MARK4: variants seen among roughly 807,000 people sequenced by gnomAD.
MARK4 encodes microtubule affinity regulating kinase 4.
MARK4 carries 19 observed loss-of-function variants against 81.5 expected under a neutral mutation model. The ratio of observed to expected loss-of-function variants is 0.23; its 90% confidence interval spans 0.16 to 0.34. The LOEUF (loss-of-function observed/expected upper bound fraction) is 0.34. MARK4 is among the 10% of genes least tolerant of loss of function. MARK4 has a pLI of 1.00. For synonymous variants in MARK4, 436 were observed against 439.0 expected (o/e 0.99, Z 0.08); for missense variants, 772 against 1,058.8 (o/e 0.73, Z 3.76).
At chr19:45,258,267 G>A (rs1482985728) in intron 1 of MARK4, among the ~76,000 whole-genome samples, 1 of 152,166 alleles carries the variant, frequency 6.6e-6, no homozygotes, top group African/African-American at 2.4e-5. Flanking sequence ...TTACAGGCCT[G>A]AGCCACTGCA....
Position 45,271,828 on chromosome 19 carries a change from G to A in MARK4, c.786+120G>A, listed in dbSNP as rs1599786478. On this transcript the variant is annotated intron_variant, in intron 8 of 16. Coordinates refer to ENST00000262891, the MANE Select transcript of MARK4 (RefSeq NM_001199867.2). The surrounding 1 kb of genome is among the most constrained non-coding windows in gnomAD (Gnocchi z 4.1). ...GGACTGGCCTGAGTTCTCATGGGAAGATGGGGGATGGGCAGGATTCAAGTC... is the reference window on the plus strand; with the variant it reads ...GGACTGGCCTGAGTTCTCATGGGAAAATGGGGGATGGGCAGGATTCAAGTC... 3.2e-6 allele frequency: 3 copies of A among 939,168 alleles called. No homozygotes were observed. The East Asian group carries it at 7.3e-5, about 23-fold the overall frequency. 58.2% of individuals were successfully genotyped at this position (939,168 alleles called of 1,614,324 possible).
intron 16 of MARK4, among the ~76,000 whole-genome samples, chr19:45,300,387 A>C (rs1970953602): frequency 7.8e-6 from 1 of 128,020 alleles, no homozygotes; most frequent in Admixed American, 9.4e-5. Context: ...TCCCATCCAC[A>C]ACTCAACTCC....
At chr19:45,269,842 G>A (rs752023769) in intron 7 of MARK4, among the ~76,000 whole-genome samples, 10 of 152,170 alleles carry the variant, frequency 6.6e-5, no homozygotes, top group Admixed American at 1.3e-4. Context: ...AATACAAAAC[G>A]TTTATTTATT....
intron 2 of MARK4, among the ~76,000 whole-genome samples, chr19:45,259,490 A>G (rs375846731): frequency 5.7e-4 from 87 of 152,312 alleles, no homozygotes; most frequent in African/African-American, 2.1e-3. Context: ...GGCCGGATGC[A>G]TTGGCTCACA....
chr19:45,281,859 G>T lies in MARK4; in HGVS notation c.1276+1125G>T, dbSNP rs576690338. On this transcript the variant is annotated intron_variant, in intron 12 of 16. Transcript: ENST00000262891. The stretch of plus-strand genomic sequence containing the variant: ...TAAAGGAGGCTCTGGAAGAGAGCTG[G>T]GCGGACAGCTGATTATACCCCACAT... Among the ~76,000 whole-genome samples, 21 of 152,274 alleles carry T rather than the reference G, an allele frequency of 1.4e-4. No individual in the cohort carries two copies. In the South Asian group the frequency reaches 4.1e-3, roughly 30 times the overall value.
At position 45,280,724 on chromosome 19, in the gene MARK4, T is replaced by C; in HGVS notation, c.1266T>C (p.His422=). 1 of 1,614,114 alleles carries C rather than the reference T, an allele frequency of 6.2e-7. No individual in the cohort carries two copies. The highest frequency in any genetic ancestry group is 1.7e-5 in the Admixed American group (1 of 60,006). The stretch of plus-strand genomic sequence containing the variant: ...CCACCTACCACCGCCAGCGCAGGCA[T>C]AGCGATTTCTGTGAGTATCAACCCC... ...SSSTYHRQRR[H]SDFCGPSPAP... is the part of the protein sequence containing the mutation. Residue 422 remains histidine, a synonymous_variant, in exon 12 of 17, where the codon CAT becomes CAC. Transcript: ENST00000262891.
intron 14 of MARK4, among the ~76,000 whole-genome samples, chr19:45,297,214 C>T (rs1599804685): frequency 6.6e-6 from 1 of 152,214 alleles, no homozygotes; most frequent in Non-Finnish European, 1.5e-5. Flanking sequence ...GACAGTGGAA[C>T]CCCCACTGCC....
Position 45,299,798 on chromosome 19 carries a change from T to C in MARK4, c.1878-13T>C. ...GTCCAGATTAGACACTCTGTCCCCC[T>C]CCCCTCCCCTAGGGTCGCAGACGAA... On this transcript the variant is annotated splice_polypyrimidine_tract_variant and intron_variant, in intron 15 of 16. Coordinates refer to ENST00000262891, the MANE Select transcript of MARK4 (RefSeq NM_001199867.2). 6.3e-7 allele frequency: 1 copy of C among 1,589,512 alleles called. No homozygotes were observed. Among genetic ancestry groups the C allele is most frequent in the Non-Finnish European group, 8.6e-7 (1 of 1,163,744 alleles).
intron 7 of MARK4, among the ~76,000 whole-genome samples, chr19:45,269,478 C>A (rs928135006): frequency 1.3e-5 from 2 of 152,050 alleles, no homozygotes; most frequent in African/African-American, 2.4e-5. Context: ...AGGGTTTGGG[C>A]CTTTATTGGG....
chr19:45,264,273 G>A lies in MARK4; in HGVS notation c.356-411G>A, dbSNP rs556149285. On this transcript the variant is annotated intron_variant, in intron 4 of 16. Coordinates refer to ENST00000262891, the MANE Select transcript of MARK4 (RefSeq NM_001199867.2). ...TCCCAGCACTTTGGGAGGCCGAGGC[G>A]GGTGGATGACCTGAGGTTGGGAGTT... Among the ~76,000 whole-genome samples the A allele has an allele frequency of 1.5e-3, 230 of 152,058 alleles. 2 individuals carry two copies. Among genetic ancestry groups the A allele is most frequent in the African/African-American group, 5.1e-3 (213 of 41,470 alleles).
rs1215060811 is a variant in MARK4 at position 45,297,915 on chromosome 19, C to T, written c.1838C>T (p.Thr613Ile). ...CCCGCCGGGCGGCCCCGCCCCACCA[C>T]CAACCTCTTCACCAAGCTGACCTCC... ...PLPAGRPRPT[T>I]NLFTKLTSKL... is the part of the protein sequence containing the mutation. The change falls in exon 15 of 17, where the codon ACC becomes ATC. Residue 613 changes from threonine (T) to isoleucine (I), a missense_variant. Thr to Ile is a moderately conservative substitution (Grantham distance 89). Transcript: ENST00000262891. 1 of 1,550,452 alleles carries T rather than the reference C, an allele frequency of 6.4e-7. No homozygotes were observed. Among genetic ancestry groups the T allele is most frequent in the Non-Finnish European group, 8.7e-7 (1 of 1,146,772 alleles).
At chr19:45,260,554 G>A (rs1970367738) in intron 2 of MARK4, among the ~76,000 whole-genome samples, 1 of 151,274 alleles carries the variant, frequency 6.6e-6, no homozygotes, top group East Asian at 1.9e-4. Flanking sequence ...AAAATTAGCT[G>A]GGTGTGGTGG....
intron 12 of MARK4, among the ~76,000 whole-genome samples, chr19:45,284,325 CTT>C (rs766141024): frequency 3.4e-4 from 47 of 140,290 alleles, no homozygotes; most frequent in Admixed American, 4.3e-4. Flanking sequence ...GATTTCTTTT[CTT>C]TTTTTTTTTT....
At chr19:45,253,909 C>T (rs576907065) in intron 1 of MARK4, among the ~76,000 whole-genome samples, 84 of 152,272 alleles carry the variant, frequency 5.5e-4, no homozygotes, top group Non-Finnish European at 1.0e-3. Flanking sequence ...TTAAGTGGAA[C>T]GCCTAATGAA....
rs567765732 is a variant in MARK4, at chr19:45,294,254, T to C, written c.1495-95T>C. The C allele has an allele frequency of 2.9e-5, 34 of 1,175,390 alleles. No homozygotes were observed. The Admixed American group carries it at 4.2e-4, about 15-fold the overall frequency. 72.8% of individuals were successfully genotyped at this position (1,175,390 alleles called of 1,614,324 possible). A position where few individuals can be genotyped will look rare whatever the true frequency, so the allele number is the denominator to read the frequency against. ...CTGGGTTCCCACATGAGCCCCTGAC[T>C]TATTCATCGATGGGGAGGGCAGAGA... On this transcript the variant is annotated intron_variant, in intron 13 of 16. Coordinates refer to ENST00000262891, the MANE Select transcript of MARK4 (RefSeq NM_001199867.2).
intron 12 of MARK4, among the ~76,000 whole-genome samples, chr19:45,280,968 T>A (rs1970666527): frequency 1.3e-5 from 2 of 151,824 alleles, no homozygotes. Context: ...GAGCAGACAC[T>A]CTCTGTCTTG....
At chr19:45,294,962 T>C (rs940775820) in intron 14 of MARK4, among the ~76,000 whole-genome samples, 1 of 151,994 alleles carries the variant, frequency 6.6e-6, no homozygotes, top group East Asian at 1.9e-4. Flanking sequence ...GTAGGGCAGG[T>C]TGATGGCCAA....
rs562298714 is a variant in MARK4 at position 45,302,433 on chromosome 19, G to A, written c.1982G>A (p.Ser661Asn). The change falls in exon 17 of 17, where the codon AGT (serine) becomes AAT (asparagine). Residue 661 changes from serine (S) to asparagine (N), a missense_variant. This residue lies in a region of MARK4 where 548 missense variants were observed against 624.3 expected (regional missense o/e 0.88). Coordinates refer to ENST00000262891, the MANE Select transcript of MARK4 (RefSeq NM_001199867.2). The surrounding 1 kb of genome is among the most constrained non-coding windows in gnomAD (Gnocchi z 4.9). ...CCCCGGCTGCTCCGATTCCCCTGGA[G>A]TGTGAAGCTGACCAGCTCGCGCCCT... The part of the protein sequence containing the change: ...TAPRLLRFPW[S>N]VKLTSSRPPE... The A allele has an allele frequency of 2.4e-4, 395 of 1,613,974 alleles. No homozygotes were observed. Among genetic ancestry groups the A allele is most frequent in the Non-Finnish European group, 3.2e-4 (382 of 1,179,994 alleles).
Position 45,270,817 on chromosome 19 carries a change from C to T in MARK4, c.550-655C>T, listed in dbSNP as rs547938415. Reference sequence around the variant, plus strand: ...CGGAGTTTCGCTCTTGTTGCCCAGGCTGGAGTGCAATGGCATGATCTCGGC... The same window carrying T: ...CGGAGTTTCGCTCTTGTTGCCCAGGTTGGAGTGCAATGGCATGATCTCGGC... On this transcript the variant is annotated intron_variant, in intron 7 of 16. Coordinates refer to ENST00000262891, the MANE Select transcript of MARK4 (RefSeq NM_001199867.2). Among the ~76,000 whole-genome samples, 16 of 152,286 alleles carry T rather than the reference C, an allele frequency of 1.1e-4. 1 individual carries two copies. The East Asian group carries it at 2.9e-3, about 28-fold the overall frequency.
Sources: allele counts gnomAD v4.1 joint callset (sites outside exome capture counted in the v4.1 genomes callset), GRCh38; gene constraint gnomAD v4.1.1; regional missense constraint gnomAD v4.1.1; non-coding constraint Gnocchi (gnomAD v3.1); transcripts MANE v1.5; gene names NCBI Gene and HGNC (gene_info 2026-07-23, HGNC 2026-07-21).